MAGI2: variants seen among roughly 807,000 people sequenced by gnomAD.
MAGI2 encodes the protein membrane-associated guanylate kinase, WW and PDZ domain-containing protein 2.
In MAGI2, 35 loss-of-function variants were observed where a neutral mutation model predicts 133.3. The ratio of observed to expected loss-of-function variants is 0.26; its 90% CI spans 0.20 to 0.35. MAGI2 has a LOEUF of 0.35. Ranked by LOEUF, MAGI2 falls within the 10% of genes least tolerant of loss-of-function variation. The probability of loss-of-function intolerance (pLI) is 1.00; values close to 1 mark genes in which losing one functional copy is unlikely to be tolerated. For synonymous variants in MAGI2, 729 were observed against 710.6 expected, an observed-to-expected ratio of 1.03 and a Z score of -0.41; for missense variants, 1,636 against 1,863.4, an observed-to-expected ratio of 0.88 and a Z score of 2.25.
chr7:78,786,250 T>A (rs1826809905), intron 2 of MAGI2, among the ~76,000 whole-genome samples: 1 of 152,118 alleles, frequency 6.6e-6, no homozygotes, highest in Non-Finnish European at 1.5e-5. Flanking sequence ...TCTAACCCCT[T>A]TTCACTACTC....
At chr7:78,995,685 T>C (rs2116388953) in intron 2 of MAGI2, among the ~76,000 whole-genome samples, 1 of 152,332 alleles carries the variant, frequency 6.6e-6, no homozygotes, top group Non-Finnish European at 1.5e-5. Context: ...TTTGATTCAA[T>C]GTCTGTTGCT....
intron 2 of MAGI2, among the ~76,000 whole-genome samples, chr7:78,900,605 G>A (rs953558692): frequency 6.6e-6 from 1 of 152,100 alleles, no homozygotes; most frequent in African/African-American, 2.4e-5. Flanking sequence ...AGATGTTTAT[G>A]ATCACTCTAA....
chr7:78,058,762 A>G (rs933787312), intron 21 of MAGI2, among the ~76,000 whole-genome samples: 9 of 152,278 alleles, frequency 5.9e-5, no homozygotes, highest in African/African-American at 1.9e-4. Context: ...GAACTAAGGC[A>G]TCTTATAACT....
intron 10 of MAGI2, among the ~76,000 whole-genome samples, chr7:78,224,368 T>C (rs1034695626): frequency 4.6e-5 from 7 of 152,210 alleles, no homozygotes; most frequent in African/African-American, 1.4e-4. Context: ...CAGTGAGTTA[T>C]AAGTGCTCTT....
intron 9 of MAGI2, among the ~76,000 whole-genome samples, chr7:78,334,623 G>A (rs374508690): frequency 1.3e-5 from 2 of 152,306 alleles, no homozygotes; most frequent in South Asian, 2.1e-4. Context: ...GGATGGGAGA[G>A]GGGGAGGTTA....
At chr7:78,504,813 G>C (rs1794941609) in intron 4 of MAGI2, among the ~76,000 whole-genome samples, 3 of 151,894 alleles carry the variant, frequency 2.0e-5, no homozygotes, top group Admixed American at 2.0e-4. Context: ...TAAATAAATA[G>C]TGTTTGTCAT....
chr7:79,337,367 C>G (rs1202839023), intron 1 of MAGI2, among the ~76,000 whole-genome samples: 1 of 152,184 alleles, frequency 6.6e-6, no homozygotes, highest in Non-Finnish European at 1.5e-5. Flanking sequence ...TGAGACTCTG[C>G]TGCATTGGCC....
chr7:78,482,176 G>A (rs985198928), intron 6 of MAGI2, among the ~76,000 whole-genome samples: 1 of 151,874 alleles, frequency 6.6e-6, no homozygotes, highest in Non-Finnish European at 1.5e-5. Flanking sequence ...TTAGGGAAAT[G>A]CAAATTAAAA....
At chr7:78,771,252 C>G (rs937232432) in intron 2 of MAGI2, 12 of 152,440 alleles carry the variant, frequency 7.9e-5, no homozygotes, top group Admixed American at 5.9e-4. Context: ...GCTCGCTTCC[C>G]GGTCAGTCAG....
At chr7:78,729,345 A>AGG (rs961153893) in intron 2 of MAGI2, among the ~76,000 whole-genome samples, 1 of 152,198 alleles carries the variant, frequency 6.6e-6, no homozygotes, top group African/African-American at 2.4e-5. Context: ...ACTGGTTCTT[A>AGG]GGTGGGATCA....
intron 3 of MAGI2, among the ~76,000 whole-genome samples, chr7:78,588,620 T>C (rs1156666209): frequency 6.6e-6 from 1 of 152,180 alleles, no homozygotes; most frequent in Non-Finnish European, 1.5e-5. Flanking sequence ...TGAGCTCCTA[T>C]CAGAGCCTCT....
At chr7:78,209,284 C>T (rs539109853) in intron 10 of MAGI2, among the ~76,000 whole-genome samples, 205 of 105,790 alleles carry the variant, frequency 1.9e-3, no homozygotes, top group Non-Finnish European at 3.1e-3. Flanking sequence ...TTTTTTGAGA[C>T]GGAGTCTCGC....
chr7:79,178,713 A>C lies in MAGI2; in HGVS notation c.302-171507T>G, dbSNP rs555502248. On this transcript the variant is annotated intron_variant, in intron 1 of 21. Transcript: ENST00000354212. ...GGCAACAGAGTGAGACTCCATTTCAAAAAAAAAAAACTATCATCTTTATAA... is the reference window on the plus strand; with the variant it reads ...GGCAACAGAGTGAGACTCCATTTCACAAAAAAAAAACTATCATCTTTATAA... Among the ~76,000 whole-genome samples the C allele has an allele frequency of 2.0e-5, 3 of 150,538 alleles. No individual in the cohort carries two copies. In the East Asian group the frequency reaches 5.8e-4, roughly 29 times the overall value.
chr7:79,183,985 G>A (rs144924997), intron 1 of MAGI2, among the ~76,000 whole-genome samples: 1 of 151,452 alleles, frequency 6.6e-6, no homozygotes, highest in African/African-American at 2.4e-5. Context: ...AGTATGGGGG[G>A]AGATGAGAGT....
At chr7:78,214,026 C>G (rs189307537) in intron 10 of MAGI2, among the ~76,000 whole-genome samples, 4 of 152,260 alleles carry the variant, frequency 2.6e-5, no homozygotes, top group Admixed American at 2.6e-4. Flanking sequence ...AACGTGAGAC[C>G]TACTGCTCCA....
Position 79,204,576 on chromosome 7 carries a change from C to T in MAGI2, c.302-197370G>A, listed in dbSNP as rs564377035. ...CAGGGATCAAAAACAATCAGGAAAA[C>T]ATAACATCATCAAATGAACAAAATA... is the stretch of plus-strand genomic sequence containing the variant. On this transcript the variant is annotated intron_variant, in intron 1 of 21. Coordinates refer to ENST00000354212, the MANE Select transcript of MAGI2 (RefSeq NM_012301.4). Among the ~76,000 whole-genome samples, 12 of 152,064 alleles carry T rather than the reference C, an allele frequency of 7.9e-5. 1 individual carries two copies. The highest frequency in any genetic ancestry group is 2.9e-4 in the African/African-American group (12 of 41,384).
At chr7:79,058,091 G>A (rs1287734934) in intron 1 of MAGI2, among the ~76,000 whole-genome samples, 1 of 151,650 alleles carries the variant, frequency 6.6e-6, no homozygotes, top group Admixed American at 6.6e-5. Flanking sequence ...AACAGAGGAA[G>A]TGGTGGAGAG....
intron 21 of MAGI2, among the ~76,000 whole-genome samples, chr7:78,032,345 G>A (rs927003479): frequency 1.3e-5 from 2 of 152,096 alleles, no homozygotes; most frequent in Non-Finnish European, 2.9e-5. Context: ...CTCCCGAGTA[G>A]CTGGGATTAC....
At chr7:78,240,323 T>C (rs1791003938) in intron 10 of MAGI2, among the ~76,000 whole-genome samples, 1 of 151,980 alleles carries the variant, frequency 6.6e-6, no homozygotes, top group African/African-American at 2.4e-5. Context: ...TCATCCTTTT[T>C]TATGGCTGCA....
Sources: gnomAD v4.1 joint callset for allele counts (sites outside exome capture counted in the v4.1 genomes callset) on GRCh38, gnomAD v4.1.1 for gene constraint, MANE v1.5 for transcripts, NCBI Gene and HGNC (gene_info 2026-07-23, HGNC 2026-07-21) for gene names.